Variants in OR6N1 observed in about 807,000 individuals in gnomAD.
OR6N1 encodes olfactory receptor family 6 subfamily N member 1.
For missense variants in OR6N1, 394 were observed against 371.7 expected (o/e 1.06, Z -0.49); for synonymous variants, 170 against 150.7 (o/e 1.13, Z -0.94).
rs1270459887 is a variant in OR6N1 at position 158,772,191 on chromosome 1, G to C, written c.-189C>G. On this transcript the variant is annotated 5_prime_UTR_variant, in exon 1 of 2. Coordinates refer to ENST00000641846, the MANE Select transcript of OR6N1 (RefSeq NM_001005185.2). ...AGGGGTTGAAGTTTATCACTTTGATGGAACCTGTGGGAATAAGTTAAACCA... is the reference window on the plus strand; with the variant it reads ...AGGGGTTGAAGTTTATCACTTTGATCGAACCTGTGGGAATAAGTTAAACCA... 2 of 152,148 alleles carry C rather than the reference G, an allele frequency of 1.3e-5. No homozygotes were observed. Among genetic ancestry groups the C allele is most frequent in the African/African-American group, 4.8e-5 (2 of 41,408 alleles). 9.4% of individuals were successfully genotyped at this position (152,148 alleles called of 1,614,324 possible).
chr1:158,819,864 T>C, the OR6N1 span, among the ~76,000 whole-genome samples: 1 of 152,144 alleles, frequency 6.6e-6, no homozygotes, highest in African/African-American at 2.4e-5. Context: ...CAAAAAACTT[T>C]GCGCCGAGTT....
the OR6N1 span, among the ~76,000 whole-genome samples, chr1:158,783,465 G>T: frequency 2.0e-5 from 3 of 152,204 alleles, no homozygotes; most frequent in Admixed American, 6.5e-5. Context: ...AACACTCGTA[G>T]AATACATTCC....
the OR6N1 span, chr1:158,777,482 C>T: frequency 6.8e-6 from 11 of 1,614,140 alleles, no homozygotes; most frequent in Non-Finnish European, 9.3e-6. Flanking sequence ...AGAGCTGCAT[C>T]CAGTCGGATG....
In OR6N1 at chr1:158,765,371, T is replaced by G. The variant is rs1657220046; in HGVS notation, c.*373A>C. On this transcript the variant is annotated 3_prime_UTR_variant, in exon 2 of 2. Transcript: ENST00000641846. ...ACAAAAAACATCATGAATCACATTT[T>G]GTTTAGGACATGCCTGACTATATTT... 1 of 164,334 alleles carries G rather than the reference T, an allele frequency of 6.1e-6. No individual in the cohort carries two copies. Among genetic ancestry groups the G allele is most frequent in the Non-Finnish European group, 1.3e-5 (1 of 75,788 alleles). 10.2% of individuals were successfully genotyped at this position (164,334 alleles called of 1,614,324 possible).
chr1:158,783,888 C>T, the OR6N1 span, among the ~76,000 whole-genome samples: 3 of 152,092 alleles, frequency 2.0e-5, no homozygotes, highest in Non-Finnish European at 2.9e-5. Context: ...AGGTGGATCA[C>T]GAGGTCAGGA....
At chr1:158,826,696 T>C in the OR6N1 span, among the ~76,000 whole-genome samples, 1 of 151,924 alleles carries the variant, frequency 6.6e-6, no homozygotes, top group African/African-American at 2.4e-5. Flanking sequence ...AAAGGAAGAG[T>C]GAGCTTTAAT....
At chr1:158,777,152 G>A, upstream of OR6N1, 1 of 1,614,072 alleles carries the variant, frequency 6.2e-7, no homozygotes, top group South Asian at 1.1e-5. Context: ...TGGGAGGCAA[G>A]GATGACCTCA....
At chr1:158,827,648 C>G in the OR6N1 span, among the ~76,000 whole-genome samples, 1 of 152,048 alleles carries the variant, frequency 6.6e-6, no homozygotes. Flanking sequence ...ATGATCCTAG[C>G]AAGAGATAGT....
chr1:158,835,938 G>A, the OR6N1 span, among the ~76,000 whole-genome samples: 1 of 150,650 alleles, frequency 6.6e-6, no homozygotes, highest in African/African-American at 2.4e-5. Flanking sequence ...TATCTTAATT[G>A]ATTTTTACAA....
the OR6N1 span, among the ~76,000 whole-genome samples, chr1:158,830,376 T>C: frequency 6.6e-6 from 1 of 152,200 alleles, no homozygotes; most frequent in Non-Finnish European, 1.5e-5. Context: ...TTTAACTCTC[T>C]CTATGCTGCT....
chr1:158,787,218 G>T, the OR6N1 span, among the ~76,000 whole-genome samples: 1 of 151,968 alleles, frequency 6.6e-6, no homozygotes, highest in Non-Finnish European at 1.5e-5. Context: ...TGACATGTTG[G>T]CTCCTCTTTT....
At chr1:158,824,946 C>T in the OR6N1 span, among the ~76,000 whole-genome samples, 1 of 152,240 alleles carries the variant, frequency 6.6e-6, no homozygotes, top group South Asian at 2.1e-4. Flanking sequence ...GCAATCTCAA[C>T]AAAACCAAAA....
At chr1:158,813,459 T>A in the OR6N1 span, among the ~76,000 whole-genome samples, 1 of 152,106 alleles carries the variant, frequency 6.6e-6, no homozygotes, top group African/African-American at 2.4e-5. Flanking sequence ...GGAGGCACCT[T>A]CTTCAGTGAT....
chr1:158,834,848 T>C, the OR6N1 span, among the ~76,000 whole-genome samples: 1 of 152,224 alleles, frequency 6.6e-6, no homozygotes, highest in Non-Finnish European at 1.5e-5. Context: ...ATGTCACAAT[T>C]GCCCAACAGC....
At chr1:158,829,490 C>A in the OR6N1 span, among the ~76,000 whole-genome samples, 1 of 152,178 alleles carries the variant, frequency 6.6e-6, no homozygotes, top group Non-Finnish European at 1.5e-5. Flanking sequence ...CTCCAGTTCC[C>A]AACAAGTCCC....
upstream of OR6N1, chr1:158,776,384 T>C (rs1374120013): frequency 8.8e-6 from 2 of 228,442 alleles, no homozygotes; most frequent in Non-Finnish European, 1.7e-5. Flanking sequence ...AGAAGTTTGA[T>C]TGGAAAAAGG....
At chr1:158,782,299 C>T in the OR6N1 span, among the ~76,000 whole-genome samples, 2 of 152,122 alleles carry the variant, frequency 1.3e-5, no homozygotes, top group Non-Finnish European at 2.9e-5. Flanking sequence ...ATATGGAATA[C>T]CTGTTTGGCA....
At chr1:158,823,413 C>T in the OR6N1 span, among the ~76,000 whole-genome samples, 22 of 151,962 alleles carry the variant, frequency 1.4e-4, no homozygotes, top group African/African-American at 4.6e-4. Flanking sequence ...TTCAGGGATT[C>T]GATTTCTTCC....
At chr1:158,808,503 G>A in the OR6N1 span, 2 of 153,216 alleles carry the variant, frequency 1.3e-5, no homozygotes, top group Non-Finnish European at 2.9e-5. Context: ...GGGGTAATAA[G>A]GGCATAAACC....
Sources: gnomAD v4.1 joint callset for allele counts (sites outside exome capture counted in the v4.1 genomes callset) on GRCh38, gnomAD v4.1.1 for gene constraint, MANE v1.5 for transcripts, NCBI Gene and HGNC (gene_info 2026-07-23, HGNC 2026-07-21) for gene names.